AP3S1: variants seen among roughly 807,000 people sequenced by gnomAD.
The protein encoded by AP3S1 is adaptor related protein complex 3 subunit sigma 1.
In AP3S1, 12 loss-of-function variants were observed where a neutral mutation model predicts 21.3. The ratio of observed to expected loss-of-function variants is 0.56; its 90% CI spans 0.36 to 0.91. The LOEUF (loss-of-function observed/expected upper bound fraction) is 0.91, where lower values mean the gene tolerates loss of function less well. Ranked by LOEUF, AP3S1 falls within the 40% of genes least tolerant of loss-of-function variation. AP3S1 has a pLI of 0.01. For synonymous variants in AP3S1, 48 were observed against 78.4 expected, an observed-to-expected ratio of 0.61 and a Z score of 2.05; for missense variants, 116 against 225.0, an observed-to-expected ratio of 0.52 and a Z score of 3.10.
At chr5:115,910,600 T>C (rs1049811526) in intron 5 of AP3S1, among the ~76,000 whole-genome samples, 2 of 152,218 alleles carry the variant, frequency 1.3e-5, no homozygotes, top group Non-Finnish European at 2.9e-5. Flanking sequence ...TTACATTTTA[T>C]GTTTTAATAA....
chr5:115,877,887 G>T (rs189341528), intron 3 of AP3S1, among the ~76,000 whole-genome samples: 2 of 152,148 alleles, frequency 1.3e-5, no homozygotes, highest in African/African-American at 4.8e-5. Flanking sequence ...TTTAATGATC[G>T]CCATTCTAAC....
intron 3 of AP3S1, among the ~76,000 whole-genome samples, chr5:115,893,759 C>T (rs555205212): frequency 3.3e-5 from 5 of 152,284 alleles, no homozygotes; most frequent in Admixed American, 6.5e-5. Context: ...TTTCAATAAA[C>T]TAGGGATAGT....
chr5:115,874,648 A>G (rs1748548690), intron 3 of AP3S1, among the ~76,000 whole-genome samples: 2 of 152,182 alleles, frequency 1.3e-5, no homozygotes, highest in African/African-American at 4.8e-5. Flanking sequence ...AGCTCCATAT[A>G]TAATATTTGT....
Position 115,842,121 on chromosome 5 carries a change from G to C in AP3S1, c.69+15G>C. 7.1e-7 allele frequency: 1 copy of C among 1,412,514 alleles called. No homozygotes were observed. Among genetic ancestry groups the C allele is most frequent in the Non-Finnish European group, 9.3e-7 (1 of 1,072,734 alleles). 87.5% of individuals were successfully genotyped at this position (1,412,514 alleles called of 1,614,324 possible). On this transcript the variant is annotated intron_variant, in intron 1 of 5. Transcript: ENST00000316788. ...ACCAGCCCTACGTGAGTATCCAGCCGCCGCTGATCCGGGCGAGGGGGAGTC... is the reference window on the plus strand; with the variant it reads ...ACCAGCCCTACGTGAGTATCCAGCCCCCGCTGATCCGGGCGAGGGGGAGTC...
intron 2 of AP3S1, among the ~76,000 whole-genome samples, chr5:115,868,781 C>T (rs1580661199): frequency 6.6e-6 from 1 of 151,882 alleles, no homozygotes; most frequent in East Asian, 1.9e-4. Flanking sequence ...ACTTTGGTGG[C>T]TGAGGCAGGA....
At chr5:115,845,634 G>T (rs1453540701) in intron 1 of AP3S1, among the ~76,000 whole-genome samples, 1 of 151,902 alleles carries the variant, frequency 6.6e-6, no homozygotes, top group Non-Finnish European at 1.5e-5. Context: ...AAGAGTTCAA[G>T]ACCAGTGTGG....
chr5:115,908,880 C>A, intron 5 of AP3S1: 1 of 616,462 alleles, frequency 1.6e-6, no homozygotes, highest in East Asian at 1.4e-4. Flanking sequence ...TGCTCAAAAA[C>A]ATGCTTTCAA....
chr5:115,912,716 G>T (rs768355133), intron 5 of AP3S1, among the ~76,000 whole-genome samples: 19 of 151,964 alleles, frequency 1.3e-4, no homozygotes, highest in Non-Finnish European at 2.4e-4. Flanking sequence ...TCAAAGGGTT[G>T]GAATGATCCT....
intron 3 of AP3S1, among the ~76,000 whole-genome samples, chr5:115,888,484 G>A (rs1436343864): frequency 6.6e-6 from 1 of 152,106 alleles, no homozygotes; most frequent in African/African-American, 2.4e-5. Context: ...AAGAAAATTA[G>A]AAAGTCTTTT....
chr5:115,887,618 CATT>C (rs1187661805), intron 3 of AP3S1, among the ~76,000 whole-genome samples: 2 of 151,990 alleles, frequency 1.3e-5, no homozygotes, highest in Non-Finnish European at 2.9e-5. Flanking sequence ...TTTTGTGAGA[CATT>C]GTTGTAAGCC....
chr5:115,904,661 G>A (rs1478093096), intron 5 of AP3S1, among the ~76,000 whole-genome samples: 1 of 152,016 alleles, frequency 6.6e-6, no homozygotes, highest in Admixed American at 6.6e-5. Context: ...TTTTGTTTTA[G>A]GACAAGGAAA....
At chr5:115,904,743 C>A (rs1012620105) in intron 5 of AP3S1, among the ~76,000 whole-genome samples, 27 of 151,832 alleles carry the variant, frequency 1.8e-4, no homozygotes, top group African/African-American at 6.3e-4. Context: ...TATTATAAAC[C>A]CTGAGCTATT....
chr5:115,857,734 A>G (rs1426517258), intron 1 of AP3S1, among the ~76,000 whole-genome samples: 1 of 152,318 alleles, frequency 6.6e-6, no homozygotes, highest in East Asian at 1.9e-4. Flanking sequence ...TTATTCTGCT[A>G]TTAAAAATGA....
intron 1 of AP3S1, among the ~76,000 whole-genome samples, chr5:115,866,221 C>T (rs1296917656): frequency 6.6e-6 from 1 of 152,182 alleles, no homozygotes; most frequent in Non-Finnish European, 1.5e-5. Context: ...TTACCTCAGT[C>T]TATATTTAGT....
chr5:115,842,097 C>G lies in AP3S1; in HGVS notation c.60C>G (p.Tyr20Ter). Residue 20 changes from tyrosine (Y) to a stop codon, truncating the protein, a stop_gained, in exon 1 of 6, where the codon TAC becomes TAG. Transcript: ENST00000316788. LOFTEE classifies it high-confidence loss of function. ...GGAAGCCGCGGCTCTCCAAGTTCTA[C>G]CAGCCCTACGTGAGTATCCAGCCGC... ...NHGKPRLSKF[Y>*]QPYSEDTQQQ... 1.3e-6 allele frequency: 2 copies of G among 1,564,822 alleles called. No individual in the cohort carries two copies. The highest frequency in any genetic ancestry group is 1.7e-6 in the Non-Finnish European group (2 of 1,157,812).
intron 5 of AP3S1, among the ~76,000 whole-genome samples, chr5:115,911,060 A>G (rs1191219909): frequency 6.6e-6 from 1 of 152,148 alleles, no homozygotes; most frequent in Non-Finnish European, 1.5e-5. Context: ...TATTAAGCAC[A>G]AATATGCTAT....
intron 3 of AP3S1, among the ~76,000 whole-genome samples, chr5:115,879,711 G>A (rs780089437): frequency 2.6e-5 from 4 of 151,990 alleles, no homozygotes; most frequent in Non-Finnish European, 5.9e-5. Flanking sequence ...GGATGATGAT[G>A]GCCTCAAAAA....
intron 1 of AP3S1, among the ~76,000 whole-genome samples, chr5:115,862,900 TTAGA>T (rs1763307617): frequency 1.3e-5 from 2 of 152,206 alleles, no homozygotes; most frequent in Admixed American, 6.5e-5. Flanking sequence ...GTTATGTACC[TTAGA>T]TAGAGGTCTG....
In AP3S1 at chr5:115,841,975, C is replaced by A. The variant is rs780601857; in HGVS notation, c.-63C>A. 4.7e-5 allele frequency: 71 copies of A among 1,520,836 alleles called. No individual in the cohort carries two copies. In the Admixed American group the frequency reaches 5.4e-4, roughly 12 times the overall value. The allele number at this position is 1,520,836 out of a possible 1,614,324, so 94.2% of individuals were successfully genotyped here. The stretch of plus-strand genomic sequence containing the variant: ...AAGGATCGCAGGCGAGATTACGAGG[C>A]GAGGCTCGCGCGCCCGCCCCCGCCC... On this transcript the variant is annotated 5_prime_UTR_variant, in exon 1 of 6. Coordinates refer to ENST00000316788, the MANE Select transcript of AP3S1 (RefSeq NM_001284.4).
Sources: gnomAD v4.1 joint callset for allele counts (sites outside exome capture counted in the v4.1 genomes callset) on GRCh38, gnomAD v4.1.1 for gene constraint, MANE v1.5 for transcripts, NCBI Gene and HGNC (gene_info 2026-07-23, HGNC 2026-07-21) for gene names.